DMD: variants seen among roughly 807,000 people sequenced by gnomAD.
DMD encodes dystrophin.
Under a neutral mutation model 330.1 loss-of-function variants are expected in DMD, and 63 were observed. The observed-to-expected ratio is 0.19, with a 90% CI of 0.16 to 0.24. The LOEUF is 0.24. Among genes scored for constraint, DMD ranks in the 10% least tolerant of loss-of-function variants. The pLI is 1.00. For synonymous variants in DMD, 1,223 were observed against 959.8 expected (o/e 1.27, Z -5.07); for missense variants, 3,344 against 2,684.1 (o/e 1.25, Z -5.43).
chrX:32,211,733 C>T (rs1284958323), intron 44 of DMD, among the ~76,000 whole-genome samples: 1 of 111,719 alleles, frequency 9.0e-6, no homozygotes, highest in African/African-American at 3.3e-5. Flanking sequence ...GGGTCTCAGG[C>T]TTGTATGTCT....
intron 44 of DMD, among the ~76,000 whole-genome samples, chrX:32,205,600 A>G (rs1163263541): frequency 8.9e-6 from 1 of 111,796 alleles, no homozygotes; most frequent in African/African-American, 3.3e-5. Context: ...CATCAATTTC[A>G]GCAAACCTTG....
chrX:31,364,822 G>A (rs919201577), intron 60 of DMD, among the ~76,000 whole-genome samples: 3 of 111,374 alleles, frequency 2.7e-5, no homozygotes, highest in Non-Finnish European at 3.8e-5. Context: ...ACTAGGCTGG[G>A]TGCGGTGGCT....
intron 62 of DMD, among the ~76,000 whole-genome samples, chrX:31,263,930 C>T (rs2050767501): frequency 8.9e-6 from 1 of 112,272 alleles, no homozygotes; most frequent in African/African-American, 3.2e-5. Flanking sequence ...TCTTTGGTAA[C>T]TATATGACGA....
intron 7 of DMD, among the ~76,000 whole-genome samples, chrX:32,741,568 TAAGA>T (rs1187623545): frequency 9.0e-6 from 1 of 111,456 alleles, no homozygotes; most frequent in Non-Finnish European, 1.9e-5. Flanking sequence ...ATAGCTGCCT[TAAGA>T]TAGAGTTTGG....
intron 12 of DMD, among the ~76,000 whole-genome samples, chrX:32,610,058 A>T (rs1017016876): frequency 2.7e-5 from 3 of 111,460 alleles, no homozygotes; most frequent in Non-Finnish European, 5.7e-5. Context: ...CCTCAATAGC[A>T]TCATGCCACT....
intron 47 of DMD, among the ~76,000 whole-genome samples, chrX:31,896,816 T>C (rs1014989131): frequency 8.9e-6 from 1 of 111,942 alleles, no homozygotes; most frequent in East Asian, 2.8e-4. Flanking sequence ...ATCTGACTTA[T>C]AAGTAGTACA....
intron 11 of DMD, among the ~76,000 whole-genome samples, chrX:32,630,806 T>C (rs1158734172): frequency 1.8e-5 from 2 of 112,249 alleles, no homozygotes; most frequent in South Asian, 3.7e-4. Context: ...CATATCTGTC[T>C]CTCCAAGATT....
intron 29 of DMD, among the ~76,000 whole-genome samples, chrX:32,428,964 AATG>A (rs769511315): frequency 1.8e-5 from 2 of 111,310 alleles, no homozygotes; most frequent in Non-Finnish European, 3.8e-5. Context: ...TTTGCCTAAT[AATG>A]ATAATGACCA....
At chrX:32,223,128 T>A (rs933598894) in intron 43 of DMD, among the ~76,000 whole-genome samples, 1 of 111,805 alleles carries the variant, frequency 8.9e-6, no homozygotes, top group Non-Finnish European at 1.9e-5. Context: ...TATAACAAAA[T>A]GCCTGAGACT....
intron 63 of DMD, among the ~76,000 whole-genome samples, chrX:31,239,518 A>G (rs1244628351): frequency 9.0e-6 from 1 of 111,280 alleles, no homozygotes; most frequent in Non-Finnish European, 1.9e-5. Flanking sequence ...TTTCTCCCCA[A>G]GTGTGTATCC....
intron 9 of DMD, among the ~76,000 whole-genome samples, chrX:32,660,591 C>A: frequency 9.0e-6 from 1 of 111,337 alleles, no homozygotes; most frequent in East Asian, 2.8e-4. Context: ...AAAATGCTCT[C>A]TCCATAGCAT....
intron 2 of DMD, among the ~76,000 whole-genome samples, chrX:32,859,660 G>A (rs2081926768): frequency 9.0e-6 from 1 of 111,655 alleles, no homozygotes; most frequent in Non-Finnish European, 1.9e-5. Context: ...ACTGGTGAAT[G>A]CAGATGGTAC....
chrX:32,730,818 C>G (rs990466533), intron 7 of DMD, among the ~76,000 whole-genome samples: 1 of 111,490 alleles, frequency 9.0e-6, no homozygotes, highest in African/African-American at 3.3e-5. Flanking sequence ...AATTTTCAGC[C>G]ATGAGCAGAA....
chrX:33,175,420 T>C (rs766218951), intron 1 of DMD, among the ~76,000 whole-genome samples: 1 of 112,506 alleles, frequency 8.9e-6, no homozygotes, highest in Non-Finnish European at 1.9e-5. Context: ...TTTACGTATA[T>C]TATGCCCAAG....
intron 44 of DMD, among the ~76,000 whole-genome samples, chrX:32,001,738 T>G (rs1439300131): frequency 8.9e-6 from 1 of 111,733 alleles, no homozygotes; most frequent in Non-Finnish European, 1.9e-5. Flanking sequence ...TATAAATTCA[T>G]GGCTATACCA....
At chrX:31,275,151 G>C (rs2074602101) in intron 62 of DMD, among the ~76,000 whole-genome samples, 1 of 71,887 alleles carries the variant, frequency 1.4e-5, no homozygotes, top group Admixed American at 1.7e-4. Context: ...TCTTAAATCA[G>C]GTTTTGTGTG....
chrX:33,326,091 A>G (rs1292089881), intron 1 of DMD, among the ~76,000 whole-genome samples: 1 of 111,322 alleles, frequency 9.0e-6, no homozygotes, highest in Non-Finnish European at 1.9e-5. Context: ...AATCTTGACA[A>G]TAGTACTGCT....
rs139432417 is a variant in DMD, at chrX:33,270,367, C to G, written c.7+68892G>C. Reference sequence around the variant, plus strand: ...AAAAATCAGACAAAGAATGGCAACTCTATACCTCTCTACCCTGAGACACAC... The same window carrying G: ...AAAAATCAGACAAAGAATGGCAACTGTATACCTCTCTACCCTGAGACACAC... On this transcript the variant is annotated intron_variant, in intron 1 of 17. Coordinates refer to the DMD transcript ENST00000288447. 5.7e-3 allele frequency among the ~76,000 whole-genome samples: 636 copies of G among 111,242 alleles called. 3 individuals carry two copies. The highest frequency in any genetic ancestry group is 0.02 in the African/African-American group (617 of 30,582).
intron 9 of DMD, among the ~76,000 whole-genome samples, chrX:32,677,879 AAAG>A (rs1407323795): frequency 1.8e-5 from 2 of 112,171 alleles, no homozygotes; most frequent in East Asian, 2.8e-4. Context: ...CTGAATGGAT[AAAG>A]AAGATGTGGT....
Sources: gnomAD v4.1 joint callset for allele counts (sites outside exome capture counted in the v4.1 genomes callset) on GRCh38, gnomAD v4.1.1 for gene constraint, MANE v1.5 for transcripts, NCBI Gene and HGNC (gene_info 2026-07-23, HGNC 2026-07-21) for gene names.